KYAT1: variants seen among roughly 807,000 people sequenced by gnomAD.
KYAT1 encodes the protein kynurenine aminotransferase 1.
KYAT1 carries 47 observed loss-of-function variants against 52.4 expected under a neutral mutation model. The ratio of observed to expected loss-of-function variants is 0.90; its 90% CI spans 0.71 to 1.14. The LOEUF (loss-of-function observed/expected upper bound fraction) is 1.14. KYAT1 is among the 50% of genes most tolerant of loss of function. The pLI is 0.00. For synonymous variants in KYAT1, 212 were observed against 209.6 expected (o/e 1.01, Z -0.10); for missense variants, 480 against 557.9 (o/e 0.86, Z 1.41).
At chr9:128,846,733 C>G in intron 1 of KYAT1, 2 of 1,535,520 alleles carry the variant, frequency 1.3e-6, no homozygotes, top group Non-Finnish European at 1.7e-6. Context: ...CTCAGAATCC[C>G]TTCAGCAGCA....
At chr9:128,834,702 T>G (rs754426391) in intron 11 of KYAT1, among the ~76,000 whole-genome samples, 5 of 151,352 alleles carry the variant, frequency 3.3e-5, no homozygotes, top group Non-Finnish European at 7.4e-5. Flanking sequence ...TACATGCCTG[T>G]AATCCCAGTT....
chr9:128,834,070 CA>C (rs1830572460), intron 11 of KYAT1, among the ~76,000 whole-genome samples: 1 of 152,158 alleles, frequency 6.6e-6, no homozygotes, highest in African/African-American at 2.4e-5. Context: ...CCAGCCTGGC[CA>C]ACATGGCTAA....
intron 1 of KYAT1, among the ~76,000 whole-genome samples, chr9:128,872,651 C>T (rs1187027204): frequency 6.6e-6 from 1 of 151,714 alleles, no homozygotes; most frequent in Non-Finnish European, 1.5e-5. Flanking sequence ...CCTGTAATCC[C>T]GGCTACTCGG....
At chr9:128,866,778 C>A (rs940058017) in intron 1 of KYAT1, among the ~76,000 whole-genome samples, 20 of 151,648 alleles carry the variant, frequency 1.3e-4, no homozygotes, top group Admixed American at 4.0e-4. Context: ...CCGTGATGTG[C>A]GCCTGTAATC....
rs139763644 is a variant in KYAT1 at position 128,837,591 on chromosome 9, C to T, written c.567+94G>A. On this transcript the variant is annotated intron_variant, in intron 6 of 12. Transcript: ENST00000302586. ...TGTGTGTGGCCCTCCCACACACAAA[C>T]GAAGAAACGGAGGCCCCACAGCAGC... The T allele has an allele frequency of 4.6e-4, 662 of 1,446,744 alleles. 3 individuals carry two copies. The African/African-American group carries it at 8.3e-3, about 18-fold the overall frequency. 89.6% of individuals were successfully genotyped at this position (1,446,744 alleles called of 1,614,324 possible). A position where few individuals can be genotyped will look rare whatever the true frequency, so the allele number is the denominator to read the frequency against.
At chr9:128,873,945 CAAAA>C (rs55713807) in intron 1 of KYAT1, among the ~76,000 whole-genome samples, 11 of 105,828 alleles carry the variant, frequency 1.0e-4, no homozygotes, top group African/African-American at 1.1e-4. Context: ...ATCTCCGTCT[CAAAA>C]AAAAAAAAAA....
intron 1 of KYAT1, among the ~76,000 whole-genome samples, chr9:128,864,992 C>A (rs1276077384): frequency 6.6e-6 from 1 of 151,330 alleles, no homozygotes. Context: ...CAAGAGAGGC[C>A]AAGGCAGGAG....
At chr9:128,855,292 A>C (rs889996321) in intron 1 of KYAT1, among the ~76,000 whole-genome samples, 7 of 152,170 alleles carry the variant, frequency 4.6e-5, no homozygotes, top group African/African-American at 1.2e-4. Context: ...ATTTAACTGA[A>C]AGGCTAGACC....
intron 1 of KYAT1, among the ~76,000 whole-genome samples, chr9:128,881,218 C>T (rs963488789): frequency 6.6e-6 from 1 of 151,944 alleles, no homozygotes; most frequent in African/African-American, 2.4e-5. Context: ...GTAGCTGGGA[C>T]TACAGGCGCC....
chr9:128,835,838 T>C lies in KYAT1; in HGVS notation c.796A>G (p.Met266Val). The C allele has an allele frequency of 6.2e-7, 1 of 1,614,104 alleles. No individual in the cohort carries two copies. The highest frequency in any genetic ancestry group is 8.5e-7 in the Non-Finnish European group (1 of 1,179,986). Residue 266 changes from methionine (M) to valine (V), a missense_variant, in exon 9 of 13, where the codon ATG (methionine) becomes GTG (valine). Physicochemically the swap from Met to Val is conservative, Grantham distance 21. Transcript: ENST00000302586. ...VGWVLGPDHIMKHLRTVHQNS... is the reference protein window; with the variant it reads ...VGWVLGPDHIVKHLRTVHQNS... ...TGGTGCACGGTCCGCAGGTGCTTCA[T>C]GATGTGATCTGGACCCAGGACCCAG...
intron 1 of KYAT1, chr9:128,846,968 G>A: frequency 5.9e-6 from 6 of 1,018,540 alleles, no homozygotes; most frequent in African/African-American, 1.6e-5. Context: ...TAACAGATGA[G>A]GACACTGAGG....
intron 1 of KYAT1, among the ~76,000 whole-genome samples, chr9:128,847,242 A>T (rs930425857): frequency 1.3e-5 from 2 of 152,228 alleles, no homozygotes; most frequent in African/African-American, 4.8e-5. Context: ...GCCCAAGCTG[A>T]CTATTCAGAT....
chr9:128,837,969 C>T, intron 5 of KYAT1, 82 bp downstream of exon 5: 1 of 1,528,346 alleles, frequency 6.5e-7, no homozygotes, highest in Non-Finnish European at 9.1e-7. Context: ...TCACTTCTTT[C>T]CTCCTTTTCC....
At position 128,879,261 on chromosome 9, in the gene KYAT1, G is replaced by A. The variant is rs556461921; in HGVS notation, c.-7+2636C>T. Among the ~76,000 whole-genome samples, 7 of 151,952 alleles carry A rather than the reference G, an allele frequency of 4.6e-5. No individual in the cohort carries two copies. The East Asian group carries it at 1.4e-3, about 29-fold the overall frequency. ...GGAGGTGGAGCTTGCAGTGAGCCGA[G>A]ATTGCACCACTGCACTCCAGCCTGG... On this transcript the variant is annotated intron_variant, in intron 1 of 12. Transcript: ENST00000302586.
chr9:128,856,209 C>T (rs1657677799), intron 1 of KYAT1, among the ~76,000 whole-genome samples: 1 of 152,132 alleles, frequency 6.6e-6, no homozygotes. Flanking sequence ...ATCAAAAGCC[C>T]AGTTCAATCT....
intron 1 of KYAT1, among the ~76,000 whole-genome samples, chr9:128,861,093 A>G (rs993139486): frequency 1.3e-5 from 2 of 152,228 alleles, no homozygotes; most frequent in African/African-American, 4.8e-5. Flanking sequence ...CAAAGCTTCA[A>G]TTTGCAAAGA....
At chr9:128,844,035 C>A (rs1832679955) in intron 2 of KYAT1, among the ~76,000 whole-genome samples, 1 of 152,158 alleles carries the variant, frequency 6.6e-6, no homozygotes, top group African/African-American at 2.4e-5. Flanking sequence ...ATGCTCTTGA[C>A]CCTACTCTGG....
intron 8 of KYAT1, 55 bp downstream of exon 8, chr9:128,835,942 C>T (rs1350896962): frequency 6.2e-7 from 1 of 1,601,516 alleles, no homozygotes; most frequent in Non-Finnish European, 8.6e-7. Context: ...TCAGGCCCAC[C>T]TCACTTGCCA....
chr9:128,864,958 G>A (rs1836002413), intron 1 of KYAT1, among the ~76,000 whole-genome samples: 1 of 151,786 alleles, frequency 6.6e-6, no homozygotes, highest in Non-Finnish European at 1.5e-5. Flanking sequence ...AGGCTAAGTG[G>A]TCAGGTACAG....
Sources: gnomAD v4.1 joint callset for allele counts (sites outside exome capture counted in the v4.1 genomes callset) on GRCh38, gnomAD v4.1.1 for gene constraint, MANE v1.5 for transcripts, NCBI Gene and HGNC (gene_info 2026-07-23, HGNC 2026-07-21) for gene names.